Variants in COL12A1 observed in about 807,000 individuals in gnomAD.
The protein encoded by COL12A1 is collagen type XII alpha 1 chain.
COL12A1 carries 114 observed loss-of-function variants against 349.7 expected under a neutral mutation model. That is an observed-to-expected ratio of 0.33 (90% confidence interval 0.28 to 0.38). COL12A1 has a LOEUF of 0.38. Ranked by LOEUF, COL12A1 falls within the 10% of genes least tolerant of loss-of-function variation. The probability of loss-of-function intolerance (pLI) is 1.00; values close to 1 mark genes in which losing one functional copy is unlikely to be tolerated. For missense variants in COL12A1, 3,284 were observed against 3,756.9 expected (o/e 0.87, Z 3.29); for synonymous variants, 1,369 against 1,329.0 (o/e 1.03, Z -0.66).
intron 53 of COL12A1, among the ~76,000 whole-genome samples, 159 bp downstream of exon 53, chr6:75,106,260 T>C (rs1582056916): frequency 6.6e-6 from 1 of 152,208 alleles, no homozygotes. Context: ...ACACAGGCAC[T>C]GGCTTTTCTG....
At chr6:75,141,449 T>C (rs1766886413) in intron 27 of COL12A1, among the ~76,000 whole-genome samples, 1 of 152,134 alleles carries the variant, frequency 6.6e-6, no homozygotes, top group Admixed American at 6.5e-5. Flanking sequence ...GGAAGCAGGG[T>C]CTGGGCAGGC....
intron 37 of COL12A1, among the ~76,000 whole-genome samples, chr6:75,129,126 C>A (rs1034449606): frequency 2.0e-5 from 3 of 152,208 alleles, no homozygotes; most frequent in Non-Finnish European, 2.9e-5. Flanking sequence ...AGGGAAATTG[C>A]ATATTTGTCC....
intron 13 of COL12A1, among the ~76,000 whole-genome samples, chr6:75,169,495 A>C (rs1768511706): frequency 6.6e-6 from 1 of 152,212 alleles, no homozygotes; most frequent in South Asian, 2.1e-4. Context: ...CCCTGAACCT[A>C]GATCTACTTT....
rs754166117 is a variant in COL12A1, at chr6:75,121,283, C to G, written c.7086+19G>C. 1.3e-6 allele frequency: 2 copies of G among 1,554,608 alleles called. No individual in the cohort carries two copies. The highest frequency in any genetic ancestry group is 1.8e-6 in the Non-Finnish European group (2 of 1,141,120). On this transcript the variant is annotated intron_variant, in intron 44 of 65. Coordinates refer to ENST00000322507, the MANE Select transcript of COL12A1 (RefSeq NM_004370.6). ...GCAAGACATCACAAATGAGTAGCCA[C>G]TGGCGGAATGACACTAACCTGAATC...
At chr6:75,159,850 C>CAA (rs150573944) in intron 14 of COL12A1, among the ~76,000 whole-genome samples, 6 of 148,300 alleles carry the variant, frequency 4.0e-5, no homozygotes, top group African/African-American at 1.5e-4. Context: ...ACTTAAGTTT[C>CAA]AAAAAAAAAT....
In COL12A1 at chr6:75,087,691, G is replaced by A; in HGVS notation, c.9067C>T (p.Pro3023Ser). The change falls in exon 65 of 66, where the codon CCT becomes TCT. Residue 3023 changes from proline (P) to serine (S), a missense_variant. This residue lies in a region of COL12A1 where 683 missense variants were observed against 932.1 expected (regional missense o/e 0.73). Coordinates refer to ENST00000322507, the MANE Select transcript of COL12A1 (RefSeq NM_004370.6). ...PPGSTGSRGP[P>S]GPPGRPGNSG... Reference sequence around the variant, plus strand: ...TTTCCAGGACGGCCAGGGGGGCCAGGGGGACCTCTTGAACCTGTGGACCCT... The same window carrying A: ...TTTCCAGGACGGCCAGGGGGGCCAGAGGGACCTCTTGAACCTGTGGACCCT... 6.2e-7 allele frequency: 1 copy of A among 1,610,276 alleles called. No homozygotes were observed. The highest frequency in any genetic ancestry group is 8.5e-7 in the Non-Finnish European group (1 of 1,178,816).
chr6:75,119,136 T>A lies in COL12A1; in HGVS notation c.7261A>T (p.Met2421Leu), dbSNP rs910431488. The A allele has an allele frequency of 5.0e-6, 8 of 1,613,986 alleles. No individual in the cohort carries two copies. Among genetic ancestry groups the A allele is most frequent in the Non-Finnish European group, 6.8e-6 (8 of 1,179,918 alleles). The change falls in exon 46 of 66, where the codon ATG becomes TTG. Residue 2421 changes from methionine to leucine, a missense_variant. Physicochemically the swap from Met to Leu is conservative, Grantham distance 15. Around this residue, in one of 2 missense-constraint regions of COL12A1, gnomAD observed 683 missense variants for 932.1 expected, o/e 0.73. Coordinates refer to ENST00000322507, the MANE Select transcript of COL12A1 (RefSeq NM_004370.6). ...KEKVLTWESGMRKNVPKVLVV... is the reference protein window; with the variant it reads ...KEKVLTWESGLRKNVPKVLVV... Reference sequence around the variant, plus strand: ...AACACCTTAGGGACATTCTTCCTCATGCCGCTCTCCCAAGTCAAGACTTTC... The same window carrying A: ...AACACCTTAGGGACATTCTTCCTCAAGCCGCTCTCCCAAGTCAAGACTTTC...
In COL12A1 at chr6:75,155,759, C is replaced by T; in HGVS notation, c.3346G>A (p.Gly1116Ser). The change falls in exon 16 of 66, where the codon GGT becomes AGT. Residue 1116 changes from glycine (G) to serine (S), a missense_variant. By Grantham distance (56) the Gly-to-Ser change is moderately conservative. This residue lies in a region of COL12A1 where 2,601 missense variants were observed against 2,824.8 expected (regional missense o/e 0.92). Coordinates refer to ENST00000322507, the MANE Select transcript of COL12A1 (RefSeq NM_004370.6). ...GTAGGGTGGAATGTGACTTTATAAC[C>T]CTTCACTTCCCCAGGGGCAGGCTCC... Reference protein sequence around the residue: ...TWEPAPGEVKGYKVTFHPTGD... With the variant: ...TWEPAPGEVKSYKVTFHPTGD... The T allele has an allele frequency of 1.2e-6, 2 of 1,613,544 alleles. No homozygotes were observed. Among genetic ancestry groups the T allele is most frequent in the Non-Finnish European group, 1.7e-6 (2 of 1,179,672 alleles).
chr6:75,103,360 C>CTGTGT (rs1437625443), intron 55 of COL12A1, among the ~76,000 whole-genome samples: 3 of 152,180 alleles, frequency 2.0e-5, no homozygotes, highest in African/African-American at 4.8e-5. Flanking sequence ...CTTGTGAGCA[C>CTGTGT]ATACGCAGCC....
intron 42 of COL12A1, 141 bp downstream of exon 42, chr6:75,123,807 C>T: frequency 1.1e-6 from 1 of 918,150 alleles, no homozygotes; most frequent in Non-Finnish European, 1.6e-6. Flanking sequence ...TTAGACTCCA[C>T]ATTCAGGAAT....
chr6:75,158,545 A>T (rs1767871950), intron 14 of COL12A1, among the ~76,000 whole-genome samples: 1 of 152,176 alleles, frequency 6.6e-6, no homozygotes, highest in African/African-American at 2.4e-5. Context: ...ACATAATAAG[A>T]AGAAAAATCA....
intron 3 of COL12A1, 147 bp from the exon 4 acceptor site, chr6:75,192,502 T>A (rs1248217472): frequency 1.6e-6 from 1 of 639,518 alleles, no homozygotes; most frequent in East Asian, 3.0e-5. Flanking sequence ...TTTTACTGCC[T>A]TCCAAAACTA....
At chr6:75,110,986 G>T (rs74775709) in intron 51 of COL12A1, among the ~76,000 whole-genome samples, 3,374 of 152,086 alleles carry the variant, frequency 0.022, 125 homozygotes, top group East Asian at 0.19. Context: ...TTTGCAAGAT[G>T]CTAGATCTTA....
Position 75,156,320 on chromosome 6 carries a change from T to C in COL12A1, c.3187A>G (p.Ile1063Val). The C allele has an allele frequency of 1.9e-6, 3 of 1,613,988 alleles. No individual in the cohort carries two copies. The highest frequency in any genetic ancestry group is 2.5e-6 in the Non-Finnish European group (3 of 1,179,876). Residue 1063 changes from isoleucine to valine, a missense_variant, in exon 15 of 66, where the codon ATC becomes GTC. Physicochemically the swap from Ile to Val is conservative, Grantham distance 29. Transcript: ENST00000322507. ...KRLQPQTTYD[I>V]TVLPIYKMGE... ...ATCTTGTAAATAGGAAGAACTGTGA[T>C]GTCATATGTGGTCTGTGGCTGAAGT...
At chr6:75,188,055 G>C (rs1769726912) in intron 8 of COL12A1, among the ~76,000 whole-genome samples, 1 of 152,042 alleles carries the variant, frequency 6.6e-6, no homozygotes, top group Admixed American at 6.6e-5. Context: ...TAGCAGAATA[G>C]CATAATCAGA....
At position 75,134,585 on chromosome 6, in the gene COL12A1, G is replaced by GA. The variant is rs532759873; in HGVS notation, c.5524+140dup. 34 of 772,214 alleles carry GA rather than the reference G, an allele frequency of 4.4e-5. No individual in the cohort carries two copies. The African/African-American group carries it at 6.0e-4, about 14-fold the overall frequency. 47.8% of individuals were successfully genotyped at this position (772,214 alleles called of 1,614,324 possible). A position where few individuals can be genotyped will look rare whatever the true frequency, so the allele number is the denominator to read the frequency against. On this transcript the variant is annotated intron_variant, in intron 32 of 65. Coordinates refer to ENST00000322507, the MANE Select transcript of COL12A1 (RefSeq NM_004370.6). ...GACTCCATCTCAAAAAAAAAGAAAAGAAAAAACTATTAATATTATTTCTAA... is the reference window on the plus strand; with the variant it reads ...GACTCCATCTCAAAAAAAAAGAAAAGAAAAAAACTATTAATATTATTTCTAA...
chr6:75,114,225 T>A (rs1202524760), intron 49 of COL12A1, among the ~76,000 whole-genome samples: 1 of 151,934 alleles, frequency 6.6e-6, no homozygotes, highest in Non-Finnish European at 1.5e-5. Flanking sequence ...TTTTAATTTC[T>A]CTCTCCCTCC....
Position 75,148,381 on chromosome 6 carries a change from C to G in COL12A1, c.4264G>C (p.Val1422Leu). 6.2e-7 allele frequency: 1 copy of G among 1,612,106 alleles called. No homozygotes were observed. Among genetic ancestry groups the G allele is most frequent in the Non-Finnish European group, 8.5e-7 (1 of 1,178,940 alleles). ...VDRYKVEYYP[V>L]SGGKRQEFYV... is the part of the protein sequence containing the mutation. Reference sequence around the variant, plus strand: ...ACTTCTTGACGTTTCCCTCCAGAAACTGGATAGTATTCCACCTTATATCGA... The same window carrying G: ...ACTTCTTGACGTTTCCCTCCAGAAAGTGGATAGTATTCCACCTTATATCGA... The change falls in exon 22 of 66, where the codon GTT (valine) becomes CTT (leucine). Residue 1422 changes from valine (V) to leucine (L), a missense_variant. Coordinates refer to ENST00000322507, the MANE Select transcript of COL12A1 (RefSeq NM_004370.6).
chr6:75,124,060 T>C lies in COL12A1; in HGVS notation c.6759A>G (p.Ser2253=). The change falls in exon 42 of 66, where the codon TCA becomes TCG. Residue 2253 remains serine (S), a synonymous_variant. Coordinates refer to ENST00000322507, the MANE Select transcript of COL12A1 (RefSeq NM_004370.6). ...GGCCAGTGAAGCAGTGACTGGTTTC[T>C]GATCCACGCACTGTAATTTCTTGTC... ...TRGQEITVRG[S]ETSHCFTGLS... 2 of 1,613,962 alleles carry C rather than the reference T, an allele frequency of 1.2e-6. No individual in the cohort carries two copies. The highest frequency in any genetic ancestry group is 1.7e-6 in the Non-Finnish European group (2 of 1,179,856).
Sources: gnomAD v4.1 joint callset for allele counts (sites outside exome capture counted in the v4.1 genomes callset) on GRCh38, gnomAD v4.1.1 for gene constraint, gnomAD v4.1.1 regional missense constraint, MANE v1.5 for transcripts, NCBI Gene and HGNC (gene_info 2026-07-23, HGNC 2026-07-21) for gene names.